RIMS2: variants seen among roughly 807,000 people sequenced by gnomAD.
RIMS2 encodes regulating synaptic membrane exocytosis protein 2.
A neutral mutation model predicts 174.4 loss-of-function variants in RIMS2; 59 were observed. The ratio of observed to expected loss-of-function variants is 0.34; its 90% CI spans 0.27 to 0.42. The LOEUF (loss-of-function observed/expected upper bound fraction) is 0.42. RIMS2 is among the 10% of genes least tolerant of loss of function. The probability of loss-of-function intolerance (pLI) is 1.00; values close to 1 mark genes in which losing one functional copy is unlikely to be tolerated. For missense variants in RIMS2, 1,620 were observed against 1,666.3 expected (o/e 0.97, Z 0.48); for synonymous variants, 606 against 572.5 (o/e 1.06, Z -0.84).
intron 19 of RIMS2, among the ~76,000 whole-genome samples, chr8:104,179,689 A>G (rs1448718751): frequency 2.0e-5 from 3 of 151,896 alleles, no homozygotes; most frequent in Non-Finnish European, 4.4e-5. Flanking sequence ...TAATGAATAT[A>G]CACCTATTTA....
At position 104,223,541 on chromosome 8, in the gene RIMS2, G is replaced by A. The variant is rs1563847706; in HGVS notation, c.3335-21375G>A. ...GGGGCCAGAGCCTCAGGGTCCCGTG[G>A]CACCAACCTGGCTTCTGGCCCACTG... is the stretch of plus-strand genomic sequence containing the variant. On this transcript the variant is annotated intron_variant, in intron 19 of 23. Coordinates refer to ENST00000504942, the Ensembl canonical transcript of RIMS2. The A allele has an allele frequency of 7.7e-6, 11 of 1,425,472 alleles. No homozygotes were observed. In the East Asian group the frequency reaches 2.4e-4, roughly 31 times the overall value. The allele number at this position is 1,425,472 out of a possible 1,614,324, so 88.3% of individuals were successfully genotyped here. A position where few individuals can be genotyped will look rare whatever the true frequency, so the allele number is the denominator to read the frequency against.
intron 2 of RIMS2, among the ~76,000 whole-genome samples, chr8:103,706,255 A>T (rs1328889095): frequency 6.6e-6 from 1 of 152,198 alleles, no homozygotes; most frequent in East Asian, 1.9e-4. Flanking sequence ...TTTATCTTTT[A>T]AATATGCCTT....
intron 20 of RIMS2, among the ~76,000 whole-genome samples, chr8:104,247,237 G>T (rs534227694): frequency 5.4e-4 from 82 of 152,302 alleles, no homozygotes; most frequent in Admixed American, 3.1e-3. Context: ...ACCACAGGCT[G>T]GGTGGCTTAA....
intron 1 of RIMS2, among the ~76,000 whole-genome samples, chr8:103,509,941 T>G (rs1299767823): frequency 1.3e-5 from 2 of 152,178 alleles, no homozygotes; most frequent in Non-Finnish European, 2.9e-5. Flanking sequence ...CATTTGGAAT[T>G]AACAACTTTT....
chr8:103,738,092 T>C (rs1286607296), intron 2 of RIMS2, among the ~76,000 whole-genome samples: 1 of 152,210 alleles, frequency 6.6e-6, no homozygotes, highest in Non-Finnish European at 1.5e-5. Flanking sequence ...ATGTGTTCAA[T>C]GATTGTTTAT....
intron 3 of RIMS2, among the ~76,000 whole-genome samples, chr8:103,863,412 T>C (rs2099068677): frequency 6.6e-6 from 1 of 152,162 alleles, no homozygotes; most frequent in Non-Finnish European, 1.5e-5. Context: ...CGAAGTTTTC[T>C]TGTGGTATGT....
intron 2 of RIMS2, among the ~76,000 whole-genome samples, chr8:103,703,112 T>G (rs1349955648): frequency 6.6e-6 from 1 of 151,474 alleles, no homozygotes; most frequent in Non-Finnish European, 1.5e-5. Flanking sequence ...CTTTTGAGTA[T>G]CTGGGACTAT....
At chr8:103,836,517 G>A (rs1240367356) in intron 3 of RIMS2, among the ~76,000 whole-genome samples, 1 of 152,178 alleles carries the variant, frequency 6.6e-6, no homozygotes, top group Non-Finnish European at 1.5e-5. Flanking sequence ...GCCATGACAT[G>A]TTTGCACCAC....
At chr8:103,798,429 G>A (rs1451763678) in intron 3 of RIMS2, among the ~76,000 whole-genome samples, 1 of 152,048 alleles carries the variant, frequency 6.6e-6, no homozygotes, top group Non-Finnish European at 1.5e-5. Flanking sequence ...TGTAAAAATA[G>A]CATGACAGCA....
intron 19 of RIMS2, among the ~76,000 whole-genome samples, chr8:104,172,897 T>A (rs537690679): frequency 1.3e-5 from 2 of 152,326 alleles, no homozygotes; most frequent in Admixed American, 1.3e-4. Context: ...TAATTTTCAG[T>A]TCTTTCCAAA....
intron 14 of RIMS2, among the ~76,000 whole-genome samples, chr8:103,951,242 G>A (rs534396307): frequency 1.3e-5 from 2 of 152,336 alleles, no homozygotes; most frequent in African/African-American, 4.8e-5. Flanking sequence ...AGCCACCTAT[G>A]ACAAACCCAT....
chr8:103,975,070 CTG>C (rs528829104), intron 15 of RIMS2, among the ~76,000 whole-genome samples: 1 of 152,236 alleles, frequency 6.6e-6, no homozygotes, highest in South Asian at 2.1e-4. Context: ...AGATAATTAA[CTG>C]TATGTAAAAT....
At chr8:103,862,493 T>C (rs949814379) in intron 3 of RIMS2, among the ~76,000 whole-genome samples, 6 of 152,060 alleles carry the variant, frequency 3.9e-5, no homozygotes, top group African/African-American at 9.7e-5. Context: ...GATTTTTTTT[T>C]TAATTTTGTG....
chr8:103,845,513 T>C (rs2098963261), intron 3 of RIMS2, among the ~76,000 whole-genome samples: 1 of 152,174 alleles, frequency 6.6e-6, no homozygotes. Context: ...GTCGTATTAG[T>C]ATACTACCAT....
At position 104,015,319 on chromosome 8, in the gene RIMS2, T is replaced by G. The variant is rs867075660; in HGVS notation, c.3334+704T>G. 35 of 591,474 alleles carry G rather than the reference T, an allele frequency of 5.9e-5. No individual in the cohort carries two copies. In the Middle Eastern group the frequency reaches 9.0e-4, roughly 15 times the overall value. 36.6% of individuals were successfully genotyped at this position (591,474 alleles called of 1,614,324 possible). A position where few individuals can be genotyped will look rare whatever the true frequency, so the allele number is the denominator to read the frequency against. On this transcript the variant is annotated intron_variant, in intron 19 of 23. Coordinates refer to ENST00000504942, the Ensembl canonical transcript of RIMS2. The stretch of plus-strand genomic sequence containing the variant: ...TAACTTTTCTCTAGTAGATAATACA[T>G]TCTGTGCTTTTGGAAATTTCTGTTG...
At chr8:104,090,646 A>T (rs1598599730) in intron 19 of RIMS2, among the ~76,000 whole-genome samples, 2 of 151,804 alleles carry the variant, frequency 1.3e-5, no homozygotes, top group East Asian at 3.9e-4. Context: ...TGCTGAGATA[A>T]AGATATTATT....
chr8:103,605,498 G>A (rs1480010461), intron 1 of RIMS2, among the ~76,000 whole-genome samples: 2 of 150,814 alleles, frequency 1.3e-5, no homozygotes, highest in Non-Finnish European at 2.9e-5. Flanking sequence ...TTGGTATCAG[G>A]ATGATGCTGG....
intron 1 of RIMS2, among the ~76,000 whole-genome samples, chr8:103,615,643 A>G (rs1020198318): frequency 1.3e-5 from 2 of 152,046 alleles, no homozygotes; most frequent in East Asian, 3.8e-4. Flanking sequence ...ACTAATAAGA[A>G]AAGAGAGAAC....
chr8:103,794,284 C>G (rs1465852570), intron 3 of RIMS2, among the ~76,000 whole-genome samples: 1 of 152,120 alleles, frequency 6.6e-6, no homozygotes, highest in Non-Finnish European at 1.5e-5. Context: ...TACCACACAT[C>G]TAAAACCATC....
Sources: allele counts gnomAD v4.1 joint callset (sites outside exome capture counted in the v4.1 genomes callset), GRCh38; gene constraint gnomAD v4.1.1; transcripts MANE v1.5; gene names NCBI Gene and HGNC (gene_info 2026-07-23, HGNC 2026-07-21).